The following FBN1 variants were observed in gnomAD, a reference collection of about 807,000 sequenced individuals.
FBN1 encodes the protein fibrillin-1.
FBN1 carries 29 observed loss-of-function variants against 365.1 expected under a neutral mutation model. The ratio of observed to expected loss-of-function variants is 0.08; its 90% CI spans 0.06 to 0.11. FBN1 has a LOEUF of 0.11. Ranked by LOEUF, FBN1 falls within the 10% of genes least tolerant of loss-of-function variation. FBN1 has a pLI of 1.00. For synonymous variants in FBN1, 1,210 were observed against 1,270.5 expected (o/e 0.95, Z 1.01); for missense variants, 2,476 against 3,703.2 (o/e 0.67, Z 8.60).
At chr15:48,520,246 A>C (rs1032444282) in intron 10 of FBN1, among the ~76,000 whole-genome samples, 1 of 152,096 alleles carries the variant, frequency 6.6e-6, no homozygotes, top group African/African-American at 2.4e-5. Context: ...GAAAAAAAAA[A>C]CAAGCAGGAC....
intron 22 of FBN1, 112 bp downstream of exon 22, chr15:48,495,011 T>C: frequency 7.7e-7 from 1 of 1,297,498 alleles, no homozygotes; most frequent in South Asian, 1.2e-5. Context: ...GCCATCAGGA[T>C]TAAATCTTTG....
chr15:48,534,781 A>G (rs949185046), intron 7 of FBN1, among the ~76,000 whole-genome samples: 1 of 152,222 alleles, frequency 6.6e-6, no homozygotes, highest in African/African-American at 2.4e-5. Flanking sequence ...AGTAAAAATT[A>G]AACAACTCAG....
intron 16 of FBN1, among the ~76,000 whole-genome samples, chr15:48,504,441 G>A (rs938611720): frequency 1.3e-5 from 2 of 152,206 alleles, no homozygotes; most frequent in Admixed American, 6.5e-5. Flanking sequence ...TAAATATGTA[G>A]ATGTTGGTCA....
chr15:48,446,582 C>T (rs1344548278), intron 47 of FBN1, 124 bp downstream of exon 47: 11 of 745,852 alleles, frequency 1.5e-5, no homozygotes, highest in Non-Finnish European at 2.7e-5. Flanking sequence ...GTCCCATAAC[C>T]AATTGTTATG....
chr15:48,644,315 G>C (rs2140786677), intron 2 of FBN1: 1 of 464,462 alleles, frequency 2.2e-6, no homozygotes, highest in East Asian at 3.9e-5. Context: ...TATCCCACTC[G>C]CAACTCCTCC....
intron 2 of FBN1, chr15:48,643,404 T>C (rs760694898): frequency 2.1e-4 from 32 of 152,222 alleles, no homozygotes; most frequent in Non-Finnish European, 4.6e-4. Context: ...ACAGCCTAAG[T>C]GCTTGGCTCA....
intron 33 of FBN1, 70 bp downstream of exon 33, chr15:48,474,458 A>G: frequency 6.2e-7 from 1 of 1,612,150 alleles, no homozygotes; most frequent in Non-Finnish European, 8.5e-7. Context: ...ATAACTTTAC[A>G]TAATTAATAT....
At position 48,488,473 on chromosome 15, in the gene FBN1, T is replaced by C; in HGVS notation, c.3103A>G (p.Ile1035Val). ...FFKDINECKM[I>V]PSLCTHGKCR... ...TTGCCGTGGGTGCAGAGGCTGGGTA[T>C]CATCTTGCACTCATTGATATCTTCA... Residue 1035 changes from isoleucine (I) to valine (V), a missense_variant, in exon 26 of 66, where the codon ATA becomes GTA. Physicochemically the swap from Ile to Val is conservative, Grantham distance 29. Around this residue, in one of 5 missense-constraint regions of FBN1, gnomAD observed 1,780 missense variants for 2,840.8 expected, o/e 0.63. Coordinates refer to ENST00000316623, the MANE Select transcript of FBN1 (RefSeq NM_000138.5). 1.2e-6 allele frequency: 2 copies of C among 1,614,098 alleles called. No homozygotes were observed. Among genetic ancestry groups the C allele is most frequent in the Non-Finnish European group, 8.5e-7 (1 of 1,180,038 alleles).
intron 32 of FBN1, 49 bp downstream of exon 32, chr15:48,481,606 C>T (rs1229661306): frequency 3.8e-6 from 6 of 1,583,956 alleles, no homozygotes; most frequent in South Asian, 3.4e-5. Context: ...ATTATGATAC[C>T]AATCTCTTAA....
intron 4 of FBN1, among the ~76,000 whole-genome samples, chr15:48,602,520 G>A (rs1008466340): frequency 2.6e-5 from 4 of 152,124 alleles, no homozygotes; most frequent in African/African-American, 9.7e-5. Context: ...CATGCCCAAA[G>A]ACCAAACTGA....
intron 50 of FBN1, among the ~76,000 whole-genome samples, chr15:48,439,081 A>G (rs1386254472): frequency 6.6e-6 from 1 of 152,214 alleles, no homozygotes; most frequent in Middle Eastern, 3.2e-3. Flanking sequence ...AGACAGTCTC[A>G]CCAGCTTTTA....
At chr15:48,423,792 T>C (rs1194985147) in intron 60 of FBN1, among the ~76,000 whole-genome samples, 1 of 152,170 alleles carries the variant, frequency 6.6e-6, no homozygotes, top group Admixed American at 6.5e-5. Context: ...TATTTAGTTA[T>C]ATATACCAAG....
intron 49 of FBN1, among the ~76,000 whole-genome samples, chr15:48,443,252 C>T (rs1236942120): frequency 6.6e-6 from 1 of 152,118 alleles, no homozygotes; most frequent in African/African-American, 2.4e-5. Context: ...CTATATCCAA[C>T]CTTTTCTTAA....
At chr15:48,559,854 T>C (rs1400459721) in intron 6 of FBN1, among the ~76,000 whole-genome samples, 2 of 152,210 alleles carry the variant, frequency 1.3e-5, no homozygotes, top group Non-Finnish European at 2.9e-5. Context: ...CAAAATCCTA[T>C]GGAGACAAAG....
intron 32 of FBN1, among the ~76,000 whole-genome samples, chr15:48,477,447 T>C (rs1205310076): frequency 6.6e-6 from 1 of 152,186 alleles, no homozygotes; most frequent in Admixed American, 6.5e-5. Context: ...ACACTCTCAG[T>C]ATGTAACAAT....
At chr15:48,477,698 G>A (rs115405560) in intron 32 of FBN1, among the ~76,000 whole-genome samples, 2 of 152,180 alleles carry the variant, frequency 1.3e-5, no homozygotes, top group African/African-American at 4.8e-5. Context: ...GTACATGTTT[G>A]CCAAGAATAT....
chr15:48,441,695 A>C lies in FBN1; in HGVS notation c.6163+26T>G, dbSNP rs372095191. The C allele has an allele frequency of 5.6e-6, 9 of 1,612,938 alleles. No individual in the cohort carries two copies. In the African/African-American group the frequency reaches 1.2e-4, roughly 22 times the overall value. On this transcript the variant is annotated intron_variant, in intron 50 of 65. Transcript: ENST00000316623. ...CCACAAATAAACATGCAGCATTGAA[A>C]GCCCAAAGCCTTCAAAGACACTTAC...
At chr15:48,630,596 A>C (rs1322350853) in intron 2 of FBN1, among the ~76,000 whole-genome samples, 3 of 152,200 alleles carry the variant, frequency 2.0e-5, no homozygotes, top group Admixed American at 6.5e-5. Flanking sequence ...AAAACTTTAA[A>C]AGGAAAAGTT....
intron 29 of FBN1, 106 bp from the exon 30 acceptor site, chr15:48,485,602 AG>A: frequency 2.4e-6 from 3 of 1,265,570 alleles, no homozygotes; most frequent in Admixed American, 1.9e-5. Context: ...TTTAAGAGGC[AG>A]GGCCTTTAAA....
Sources: gnomAD v4.1 joint callset for allele counts (sites outside exome capture counted in the v4.1 genomes callset) on GRCh38, gnomAD v4.1.1 for gene constraint, gnomAD v4.1.1 regional missense constraint, MANE v1.5 for transcripts, NCBI Gene and HGNC (gene_info 2026-07-23, HGNC 2026-07-21) for gene names.